Variants in FHIT observed in about 807,000 individuals in gnomAD.
FHIT encodes bis(5'-adenosyl)-triphosphatase.
A neutral mutation model predicts 17.9 loss-of-function variants in FHIT; 19 were observed. The ratio of observed to expected loss-of-function variants is 1.06; its 90% CI spans 0.74 to 1.56. The LOEUF (loss-of-function observed/expected upper bound fraction) is 1.56, where lower values mean the gene tolerates loss of function less well. Ranked by LOEUF, FHIT falls within the 40% of genes most tolerant of loss-of-function variation. The pLI is 0.00. For missense variants in FHIT, 248 were observed against 189.2 expected, an observed-to-expected ratio of 1.31 and a Z score of -1.82; for synonymous variants, 81 against 69.7, an observed-to-expected ratio of 1.16 and a Z score of -0.81.
chr3:60,205,823 T>G (rs1049713333), intron 5 of FHIT, among the ~76,000 whole-genome samples: 5 of 152,108 alleles, frequency 3.3e-5, no homozygotes, highest in African/African-American at 1.2e-4. Flanking sequence ...AAAATAACAC[T>G]TAAGGCTGGG....
intron 4 of FHIT, among the ~76,000 whole-genome samples, chr3:60,710,050 T>C (rs1379184880): frequency 6.7e-6 from 1 of 148,552 alleles, no homozygotes; most frequent in Non-Finnish European, 1.5e-5. Context: ...TTCTGCATAC[T>C]TCCCATTTCA....
intron 3 of FHIT, among the ~76,000 whole-genome samples, chr3:60,910,616 G>A (rs1162466114): frequency 1.3e-5 from 2 of 152,120 alleles, no homozygotes; most frequent in Admixed American, 6.6e-5. Context: ...GTTTCACCGT[G>A]TTAGCCAGGA....
Position 61,119,903 on chromosome 3 carries a change from C to T in FHIT, c.-163-77804G>A, listed in dbSNP as rs140245308. On this transcript the variant is annotated intron_variant, in intron 2 of 9. Coordinates refer to ENST00000492590, the MANE Select transcript of FHIT (RefSeq NM_002012.4). ...CTTCAGACTCAGGCTGAGACTATACCGCCAGCTTTTCTGAATCTCCAGCTT... is the reference window on the plus strand; with the variant it reads ...CTTCAGACTCAGGCTGAGACTATACTGCCAGCTTTTCTGAATCTCCAGCTT... Among the ~76,000 whole-genome samples, 982 of 152,298 alleles carry T rather than the reference C, an allele frequency of 6.4e-3. 6 individuals carry two copies. Among genetic ancestry groups the T allele is most frequent in the Non-Finnish European group, 0.011 (716 of 68,026 alleles).
intron 4 of FHIT, among the ~76,000 whole-genome samples, chr3:60,621,310 A>T (rs1477647889): frequency 6.6e-6 from 1 of 151,790 alleles, no homozygotes; most frequent in Non-Finnish European, 1.5e-5. Context: ...GACTACGCCT[A>T]GCTACTTTTT....
chr3:60,222,728 T>G (rs1276881122), intron 5 of FHIT, among the ~76,000 whole-genome samples: 3 of 152,096 alleles, frequency 2.0e-5, no homozygotes, highest in African/African-American at 7.2e-5. Flanking sequence ...ATGGTTTGAC[T>G]AAAGGAGGAC....
chr3:60,698,764 T>G (rs2041171662), intron 4 of FHIT, among the ~76,000 whole-genome samples: 1 of 152,222 alleles, frequency 6.6e-6, no homozygotes, highest in African/African-American at 2.4e-5. Flanking sequence ...ATTTCCAGTT[T>G]GGTCCTTTGT....
intron 8 of FHIT, among the ~76,000 whole-genome samples, chr3:59,766,702 C>A (rs1020798485): frequency 6.6e-6 from 1 of 152,174 alleles, no homozygotes; most frequent in Non-Finnish European, 1.5e-5. Flanking sequence ...GATTCCCACA[C>A]CAAGAAGGCT....
chr3:59,792,058 C>A (rs947586887), intron 8 of FHIT, among the ~76,000 whole-genome samples: 2 of 148,318 alleles, frequency 1.3e-5, no homozygotes, highest in African/African-American at 4.9e-5. Flanking sequence ...TTAATCATGG[C>A]TATGGTAGTC....
intron 8 of FHIT, among the ~76,000 whole-genome samples, chr3:59,913,721 T>G (rs1214131440): frequency 6.6e-6 from 1 of 152,158 alleles, no homozygotes; most frequent in Non-Finnish European, 1.5e-5. Flanking sequence ...ACCACTAACC[T>G]TACACTAGAA....
intron 7 of FHIT, among the ~76,000 whole-genome samples, chr3:60,007,655 G>T (rs1252132911): frequency 6.6e-6 from 1 of 152,152 alleles, no homozygotes; most frequent in Non-Finnish European, 1.5e-5. Flanking sequence ...AATTTTATGT[G>T]CCATGGGAGC....
chr3:60,947,359 T>C (rs1330508670), intron 3 of FHIT, among the ~76,000 whole-genome samples: 1 of 152,220 alleles, frequency 6.6e-6, no homozygotes, highest in Non-Finnish European at 1.5e-5. Context: ...TAATAGACTA[T>C]GACTATCGCG....
chr3:60,936,578 A>G (rs115957415), intron 3 of FHIT, among the ~76,000 whole-genome samples: 4 of 152,212 alleles, frequency 2.6e-5, no homozygotes, highest in African/African-American at 4.8e-5. Flanking sequence ...ATTGATCTAC[A>G]TTCATTTTTC....
At chr3:60,395,950 G>A (rs116992617) in intron 5 of FHIT, among the ~76,000 whole-genome samples, 4 of 152,146 alleles carry the variant, frequency 2.6e-5, no homozygotes, top group East Asian at 1.9e-4. Context: ...GTACCTGTCC[G>A]GTGGTGGTAA....
intron 1 of FHIT, among the ~76,000 whole-genome samples, chr3:61,205,739 T>C (rs564417756): frequency 6.6e-6 from 1 of 152,304 alleles, no homozygotes; most frequent in South Asian, 2.1e-4. Context: ...GATGAGTAGA[T>C]TGCAAAAATT....
intron 4 of FHIT, among the ~76,000 whole-genome samples, chr3:60,547,754 G>T (rs904116146): frequency 1.3e-5 from 2 of 152,028 alleles, no homozygotes; most frequent in African/African-American, 4.8e-5. Context: ...ACAATGAAAA[G>T]ATCTCTACTA....
intron 5 of FHIT, among the ~76,000 whole-genome samples, chr3:60,519,390 T>A (rs1309477406): frequency 2.6e-5 from 4 of 152,198 alleles, no homozygotes; most frequent in Non-Finnish European, 5.9e-5. Flanking sequence ...TATTTACAGT[T>A]GGCCCTTGAA....
Position 61,242,096 on chromosome 3 carries a change from TGA to T in FHIT, c.-213+9203_-213+9204del, listed in dbSNP as rs1476041688. On this transcript the variant is annotated intron_variant, in intron 1 of 9. Transcript: ENST00000492590. The stretch of plus-strand genomic sequence containing the variant: ...CAAACCAAGAATGTTCCTGGACCGT[TGA>T]TATAAGGGTTTAAATATAAATATAA... Among the ~76,000 whole-genome samples, 7 of 152,284 alleles carry T rather than the reference TGA, an allele frequency of 4.6e-5. No individual in the cohort carries two copies. In the East Asian group the frequency reaches 1.4e-3, roughly 29 times the overall value.
chr3:59,904,887 A>G (rs985966614), intron 8 of FHIT, among the ~76,000 whole-genome samples: 13 of 152,204 alleles, frequency 8.5e-5, no homozygotes, highest in East Asian at 1.9e-4. Context: ...GAGTCTGCAA[A>G]TAAGTCTAAA....
intron 1 of FHIT, among the ~76,000 whole-genome samples, chr3:61,224,341 A>G (rs1467005537): frequency 6.6e-6 from 1 of 152,196 alleles, no homozygotes; most frequent in Non-Finnish European, 1.5e-5. Flanking sequence ...GACTACCTAC[A>G]TGGTAATTTG....
Sources: gnomAD v4.1 joint callset for allele counts (sites outside exome capture counted in the v4.1 genomes callset) on GRCh38, gnomAD v4.1.1 for gene constraint, MANE v1.5 for transcripts, NCBI Gene and HGNC (gene_info 2026-07-23, HGNC 2026-07-21) for gene names.